The following RIMS2 variants were observed in gnomAD, a reference collection of about 807,000 sequenced individuals.
RIMS2 encodes regulating synaptic membrane exocytosis 2.
Under a neutral mutation model 174.4 loss-of-function variants are expected in RIMS2, and 59 were observed. That is an observed-to-expected ratio of 0.34 (90% CI 0.27 to 0.42). The LOEUF (loss-of-function observed/expected upper bound fraction) is 0.42, where lower values mean the gene tolerates loss of function less well. RIMS2 is among the 10% of genes least tolerant of loss of function. The probability of loss-of-function intolerance (pLI) is 1.00; values close to 1 mark genes in which losing one functional copy is unlikely to be tolerated. For synonymous variants in RIMS2, 606 were observed against 572.5 expected (o/e 1.06, Z -0.84); for missense variants, 1,620 against 1,666.3 (o/e 0.97, Z 0.48).
chr8:103,892,497 C>G (rs956127997), intron 4 of RIMS2, among the ~76,000 whole-genome samples: 3 of 151,982 alleles, frequency 2.0e-5, no homozygotes, highest in Non-Finnish European at 4.4e-5. Flanking sequence ...AGCCACCACT[C>G]CTGACTTGTA....
At chr8:103,553,792 C>T (rs1297955872) in intron 1 of RIMS2, among the ~76,000 whole-genome samples, 2 of 152,134 alleles carry the variant, frequency 1.3e-5, no homozygotes, top group East Asian at 1.9e-4. Flanking sequence ...TGCTACCTGA[C>T]TTCAAACTAT....
intron 19 of RIMS2, among the ~76,000 whole-genome samples, chr8:104,019,198 A>ATTAT (rs1241639811): frequency 6.6e-6 from 1 of 152,172 alleles, no homozygotes; most frequent in Non-Finnish European, 1.5e-5. Context: ...ACTGTGTCTC[A>ATTAT]AAAAAGTTAA....
intron 2 of RIMS2, among the ~76,000 whole-genome samples, chr8:103,751,044 C>T (rs1220317169): frequency 5.3e-5 from 8 of 152,110 alleles, no homozygotes; most frequent in African/African-American, 1.9e-4. Flanking sequence ...CATAAGCTCT[C>T]TTCTCTTGTC....
At chr8:103,579,315 C>A (rs1018184814) in intron 1 of RIMS2, among the ~76,000 whole-genome samples, 2 of 151,100 alleles carry the variant, frequency 1.3e-5, no homozygotes, top group African/African-American at 2.4e-5. Context: ...ACACGAAATG[C>A]CAAAGGGAGT....
intron 1 of RIMS2, among the ~76,000 whole-genome samples, chr8:103,525,542 C>T (rs1208521320): frequency 6.6e-6 from 1 of 152,084 alleles, no homozygotes; most frequent in East Asian, 1.9e-4. Flanking sequence ...AACCCTTGGA[C>T]AGAGGAGGGT....
At chr8:104,168,791 G>A (rs1329556592) in intron 19 of RIMS2, among the ~76,000 whole-genome samples, 1 of 152,082 alleles carries the variant, frequency 6.6e-6, no homozygotes, top group Non-Finnish European at 1.5e-5. Flanking sequence ...GTTTGTCATA[G>A]ATGGCTTTTA....
exon 3 of RIMS2, chr8:103,766,362 G>A (rs2098171171): frequency 6.2e-7 from 1 of 1,613,666 alleles, no homozygotes. Flanking sequence ...AAATGAGGAG[G>A]CACCTCAGGA....
intron 1 of RIMS2, among the ~76,000 whole-genome samples, chr8:103,634,305 T>A (rs184363767): frequency 6.6e-6 from 1 of 152,374 alleles, no homozygotes; most frequent in East Asian, 1.9e-4. Flanking sequence ...GCATTTTGTT[T>A]AATTTCCATG....
intron 19 of RIMS2, among the ~76,000 whole-genome samples, chr8:104,131,832 G>T (rs2098476224): frequency 6.6e-6 from 1 of 152,128 alleles, no homozygotes; most frequent in Non-Finnish European, 1.5e-5. Flanking sequence ...AATATTTCTG[G>T]CAAATACCTT....
chr8:103,679,710 C>A (rs2096856655), intron 1 of RIMS2, among the ~76,000 whole-genome samples: 1 of 151,318 alleles, frequency 6.6e-6, no homozygotes, highest in Admixed American at 6.6e-5. Context: ...AGAAGATATA[C>A]CTGAAAAATT....
intron 19 of RIMS2, among the ~76,000 whole-genome samples, chr8:104,235,804 G>T (rs1156604219): frequency 1.1e-4 from 16 of 151,894 alleles, no homozygotes; most frequent in African/African-American, 3.6e-4. Context: ...AAAAATATAT[G>T]TAAGCATAAA....
At chr8:103,935,555 T>G (rs2081055487) in intron 12 of RIMS2, among the ~76,000 whole-genome samples, 1 of 152,204 alleles carries the variant, frequency 6.6e-6, no homozygotes, top group Admixed American at 6.5e-5. Flanking sequence ...CTCTTGGAAC[T>G]GTGTTGTGCT....
intron 1 of RIMS2, among the ~76,000 whole-genome samples, chr8:103,526,765 A>G (rs374151824): frequency 9.0e-4 from 137 of 152,318 alleles, no homozygotes; most frequent in African/African-American, 3.2e-3. Context: ...TGTAGGAGAA[A>G]GAAAAAAGTA....
At chr8:103,856,845 C>T (rs1267418468) in intron 3 of RIMS2, among the ~76,000 whole-genome samples, 5 of 150,896 alleles carry the variant, frequency 3.3e-5, no homozygotes, top group South Asian at 4.2e-4. Context: ...CTCGCTTTGT[C>T]GCCCAGGCTG....
intron 19 of RIMS2, among the ~76,000 whole-genome samples, chr8:104,090,598 G>C (rs1451849947): frequency 6.6e-6 from 1 of 151,648 alleles, no homozygotes; most frequent in Non-Finnish European, 1.5e-5. Context: ...TAAAAATGAG[G>C]CATGTTCTAT....
At chr8:103,868,310 G>T (rs1245912100) in intron 3 of RIMS2, among the ~76,000 whole-genome samples, 2 of 151,862 alleles carry the variant, frequency 1.3e-5, no homozygotes, top group Non-Finnish European at 2.9e-5. Flanking sequence ...CTTGAACTTG[G>T]ATTCTTTTGA....
intron 2 of RIMS2, among the ~76,000 whole-genome samples, chr8:103,706,693 C>A (rs982263463): frequency 6.6e-6 from 1 of 151,946 alleles, no homozygotes; most frequent in African/African-American, 2.4e-5. Context: ...TTATTTGCTT[C>A]TTTTCTCTTG....
At chr8:103,910,707 A>C (rs1009464405) in intron 5 of RIMS2, among the ~76,000 whole-genome samples, 178 bp downstream of exon 8, 3 of 152,080 alleles carry the variant, frequency 2.0e-5, no homozygotes, top group Non-Finnish European at 4.4e-5. Context: ...ACCAAAAAAA[A>C]CCTCTTGCTT....
At chr8:104,063,781 T>C (rs2097051278) in intron 19 of RIMS2, among the ~76,000 whole-genome samples, 2 of 152,148 alleles carry the variant, frequency 1.3e-5, no homozygotes, top group South Asian at 2.1e-4. Flanking sequence ...TTCAGCTTCC[T>C]TGTGGATTGT....
Sources: gnomAD v4.1 joint callset for allele counts (sites outside exome capture counted in the v4.1 genomes callset) on GRCh38, gnomAD v4.1.1 for gene constraint, MANE v1.5 for transcripts, NCBI Gene and HGNC (gene_info 2026-07-23, HGNC 2026-07-21) for gene names.